Variants in KSR2 observed in about 807,000 individuals in gnomAD.
The protein encoded by KSR2 is kinase suppressor of ras 2.
Under a neutral mutation model 107.8 loss-of-function variants are expected in KSR2, and 25 were observed. The ratio of observed to expected loss-of-function variants is 0.23; its 90% confidence interval spans 0.17 to 0.32. The LOEUF is 0.32. Ranked by LOEUF, KSR2 falls within the 10% of genes least tolerant of loss-of-function variation. The pLI is 1.00. For synonymous variants in KSR2, 480 were observed against 507.0 expected, an observed-to-expected ratio of 0.95 and a Z score of 0.71; for missense variants, 887 against 1,268.9, an observed-to-expected ratio of 0.70 and a Z score of 4.57.
chr12:117,686,803 A>G (rs1199834326), intron 4 of KSR2, among the ~76,000 whole-genome samples: 1 of 152,210 alleles, frequency 6.6e-6, no homozygotes, highest in East Asian at 1.9e-4. Context: ...GGGAAAAAAT[A>G]AACAGAGAGT....
chr12:117,676,024 C>T (rs534341146), intron 4 of KSR2, among the ~76,000 whole-genome samples: 1 of 152,298 alleles, frequency 6.6e-6, no homozygotes, highest in African/African-American at 2.4e-5. Context: ...TCCAATGACC[C>T]AAGAGGAGGC....
chr12:117,654,444 T>C (rs1391488127), intron 5 of KSR2, among the ~76,000 whole-genome samples: 1 of 152,190 alleles, frequency 6.6e-6, no homozygotes, highest in Non-Finnish European at 1.5e-5. Context: ...CAGATGGTTC[T>C]GCACAATACG....
chr12:117,676,095 G>C (rs574031413), intron 4 of KSR2, among the ~76,000 whole-genome samples: 3 of 152,190 alleles, frequency 2.0e-5, no homozygotes, highest in African/African-American at 7.2e-5. Flanking sequence ...CAGAGCTTAC[G>C]AGCTCTCGGC....
chr12:117,803,057 A>C (rs1352769849), intron 3 of KSR2, among the ~76,000 whole-genome samples: 2 of 152,236 alleles, frequency 1.3e-5, no homozygotes, highest in Admixed American at 6.5e-5. Context: ...TTCACAAAAA[A>C]ATATTTCCAT....
chr12:117,483,572 GAGAGAGAGTGC>G (rs1278462875), intron 16 of KSR2, among the ~76,000 whole-genome samples: 1 of 152,092 alleles, frequency 6.6e-6, no homozygotes, highest in Non-Finnish European at 1.5e-5. Flanking sequence ...GAGAGAGAAG[GAGAGAGAGTGC>G]AGTCCAAATT....
chr12:117,535,108 C>T (rs1249178667), intron 10 of KSR2, among the ~76,000 whole-genome samples: 1 of 152,136 alleles, frequency 6.6e-6, no homozygotes, highest in East Asian at 1.9e-4. Flanking sequence ...TTCCCTGGTC[C>T]AAACCTAGTG....
intron 1 of KSR2, among the ~76,000 whole-genome samples, chr12:117,933,832 C>A (rs1895763164): frequency 6.6e-6 from 1 of 152,106 alleles, no homozygotes; most frequent in African/African-American, 2.4e-5. Context: ...GCCCAAGCGA[C>A]ACACAGCAAG....
At chr12:117,954,903 G>A (rs1459301090) in intron 1 of KSR2, among the ~76,000 whole-genome samples, 2 of 151,744 alleles carry the variant, frequency 1.3e-5, no homozygotes, top group Non-Finnish European at 2.9e-5. Context: ...TGTAATCCCA[G>A]CTACTGGGGA....
intron 1 of KSR2, among the ~76,000 whole-genome samples, chr12:117,877,210 G>A (rs1221567573): frequency 2.0e-5 from 3 of 152,062 alleles, no homozygotes; most frequent in Non-Finnish European, 2.9e-5. Context: ...GGTGGTGGGC[G>A]CCTGTAATCC....
intron 3 of KSR2, among the ~76,000 whole-genome samples, chr12:117,783,874 G>A (rs1020600362): frequency 9.9e-5 from 15 of 152,078 alleles, no homozygotes; most frequent in African/African-American, 3.6e-4. Flanking sequence ...TCCCAGCCAT[G>A]TCCCAAAATC....
intron 12 of KSR2, among the ~76,000 whole-genome samples, chr12:117,528,410 C>T (rs901288261): frequency 3.9e-5 from 6 of 152,030 alleles, no homozygotes; most frequent in African/African-American, 1.5e-4. Context: ...AATGAATACC[C>T]CACCCCTCCT....
At chr12:117,918,845 C>G (rs1293959671) in intron 1 of KSR2, among the ~76,000 whole-genome samples, 1 of 151,960 alleles carries the variant, frequency 6.6e-6, no homozygotes, top group Admixed American at 6.6e-5. Flanking sequence ...TAGCTCACAC[C>G]TGTAATCCCA....
chr12:117,632,373 C>T (rs1266156397), intron 5 of KSR2, among the ~76,000 whole-genome samples: 5 of 151,554 alleles, frequency 3.3e-5, no homozygotes, highest in East Asian at 1.9e-4. Flanking sequence ...TACAGGTGCC[C>T]GCCACCATGC....
Position 117,653,460 on chromosome 12 carries a change from C to T in KSR2, c.1171+14014G>A, listed in dbSNP as rs1173197191. Among the ~76,000 whole-genome samples the T allele has an allele frequency of 2.0e-5, 3 of 152,332 alleles. 1 individual carries two copies. The highest frequency in any genetic ancestry group is 3.9e-4 in the East Asian group (2 of 5,184). ...TGTCATAATCTTATTCGGAGAGAGA[C>T]CTTGATTGCTTTTTGCTTCTGCAAG... On this transcript the variant is annotated intron_variant, in intron 5 of 19. Transcript: ENST00000339824.
intron 4 of KSR2, among the ~76,000 whole-genome samples, chr12:117,678,358 G>C (rs10850885): frequency 2.1e-4 from 31 of 145,436 alleles, no homozygotes; most frequent in South Asian, 6.8e-4. Flanking sequence ...CCCCCACCCC[G>C]CCCCCACCAA....
chr12:117,866,839 T>TA (rs34463256), intron 1 of KSR2, among the ~76,000 whole-genome samples: 21 of 149,598 alleles, frequency 1.4e-4, no homozygotes, highest in East Asian at 6.0e-4. Context: ...CAAAAAAAAT[T>TA]AAAAAAAAAA....
intron 4 of KSR2, among the ~76,000 whole-genome samples, chr12:117,680,768 G>GA (rs1046311316): frequency 1.3e-5 from 2 of 152,142 alleles, no homozygotes; most frequent in African/African-American, 4.8e-5. Flanking sequence ...AGTGGGAGGA[G>GA]AAAAAACAAT....
At chr12:117,552,159 T>A (rs976278099) in intron 9 of KSR2, among the ~76,000 whole-genome samples, 1 of 152,214 alleles carries the variant, frequency 6.6e-6, no homozygotes, top group Non-Finnish European at 1.5e-5. Flanking sequence ...CGTGGCCTGA[T>A]GTTTTGATCA....
At chr12:117,476,428 C>G (rs1565864261) in intron 17 of KSR2, 36 bp downstream of exon 17, 1 of 1,552,038 alleles carries the variant, frequency 6.4e-7, no homozygotes, top group East Asian at 2.4e-5. Flanking sequence ...TCTGCCCAGG[C>G]TGTGGCTCTC....
Sources: gnomAD v4.1 joint callset for allele counts (sites outside exome capture counted in the v4.1 genomes callset) on GRCh38, gnomAD v4.1.1 for gene constraint, MANE v1.5 for transcripts, NCBI Gene and HGNC (gene_info 2026-07-23, HGNC 2026-07-21) for gene names.